The following ATP2A2 variants were observed in gnomAD, a reference collection of about 807,000 sequenced individuals.
ATP2A2 encodes ATPase sarcoplasmic/endoplasmic reticulum Ca2+ transporting 2, also known as sarcoplasmic/endoplasmic reticulum calcium ATPase 2.
In ATP2A2, 14 loss-of-function variants were observed where a neutral mutation model predicts 109.3. The observed-to-expected ratio is 0.13, with a 90% CI of 0.08 to 0.20. The LOEUF (loss-of-function observed/expected upper bound fraction) is 0.20, where lower values mean the gene tolerates loss of function less well. Ranked by LOEUF, ATP2A2 falls within the 10% of genes least tolerant of loss-of-function variation. The pLI, the probability that ATP2A2 is intolerant of heterozygous loss-of-function variation, is 1.00. For synonymous variants in ATP2A2, 506 were observed against 490.9 expected (o/e 1.03, Z -0.41); for missense variants, 657 against 1,321.6 (o/e 0.50, Z 7.80).
rs972728249 is a variant in ATP2A2 at position 110,337,356 on chromosome 12, C to G, written c.1420-1925C>G. On this transcript the variant is annotated intron_variant, in intron 11 of 19. Coordinates refer to ENST00000539276, the MANE Select transcript of ATP2A2 (RefSeq NM_170665.4). ...AGTACTGAAAGGGATTTCCCTCCCC[C>G]ACTCCCAGCCCAAGACCTCTTACCT... Among the ~76,000 whole-genome samples the G allele has an allele frequency of 4.6e-5, 7 of 152,218 alleles. No homozygotes were observed. In the South Asian group the frequency reaches 1.0e-3, roughly 22 times the overall value.
chr12:110,345,210 A>G lies in ATP2A2; in HGVS notation c.2608-39A>G, dbSNP rs775014045. On this transcript the variant is annotated intron_variant, in intron 17 of 19. Coordinates refer to ENST00000539276, the MANE Select transcript of ATP2A2 (RefSeq NM_170665.4). ...GGGTTGGAGCCTGGACTTGGGAAAT[A>G]TACTGGGCTGATAGGAATTTGATTG... 38 of 1,613,896 alleles carry G rather than the reference A, an allele frequency of 2.4e-5. 1 individual carries two copies. Among genetic ancestry groups the G allele is most frequent in the African/African-American group, 4.0e-5 (3 of 74,856 alleles).
chr12:110,305,599 A>G (rs936474804), intron 5 of ATP2A2, among the ~76,000 whole-genome samples: 2 of 152,194 alleles, frequency 1.3e-5, no homozygotes, highest in African/African-American at 4.8e-5. Flanking sequence ...TACTCCATTG[A>G]TCTCTGTCTT....
At chr12:110,332,523 A>G in intron 8 of ATP2A2, 74 bp from the exon 9 acceptor site, 1 of 1,274,518 alleles carries the variant, frequency 7.8e-7, no homozygotes, top group Non-Finnish European at 1.1e-6. Flanking sequence ...GTCCTAAGCT[A>G]ACAAAGGTAG....
intron 4 of ATP2A2, among the ~76,000 whole-genome samples, chr12:110,293,826 A>ATGTATGTGTG (rs1873628329): frequency 9.2e-6 from 1 of 108,568 alleles, no homozygotes; most frequent in Non-Finnish European, 1.7e-5. Context: ...TGCCATATAT[A>ATGTATGTGTG]TGTGTGTGTG....
At chr12:110,295,479 A>C (rs114436207) in intron 4 of ATP2A2, among the ~76,000 whole-genome samples, 137 of 152,322 alleles carry the variant, frequency 9.0e-4, no homozygotes, top group African/African-American at 3.2e-3. Context: ...ATTTAAGCAC[A>C]TGCAAAATAC....
intron 5 of ATP2A2, among the ~76,000 whole-genome samples, chr12:110,308,425 G>C (rs1037695045): frequency 2.0e-5 from 3 of 152,170 alleles, no homozygotes; most frequent in Non-Finnish European, 4.4e-5. Flanking sequence ...GTATACTCTG[G>C]TGACCTTTCA....
chr12:110,320,319 A>T (rs1877103428), intron 5 of ATP2A2, among the ~76,000 whole-genome samples: 1 of 152,206 alleles, frequency 6.6e-6, no homozygotes, highest in Admixed American at 6.5e-5. Flanking sequence ...CAGAAGTAAA[A>T]TAGTGCTTAT....
In ATP2A2 at chr12:110,348,233, G is replaced by T; in HGVS notation, c.*1763G>T. On this transcript the variant is annotated 3_prime_UTR_variant, in exon 20 of 20. Coordinates refer to ENST00000539276, the MANE Select transcript of ATP2A2 (RefSeq NM_170665.4). The stretch of plus-strand genomic sequence containing the variant: ...ACCAGTGAACTCTGGGTATCGATAG[G>T]TTCGTCTTAAATAGGCCACTTCCCC... 1.0e-6 allele frequency: 1 copy of T among 985,364 alleles called. No homozygotes were observed. The highest frequency in any genetic ancestry group is 1.2e-6 in the Non-Finnish European group (1 of 829,956). 61.0% of individuals were successfully genotyped at this position (985,364 alleles called of 1,614,324 possible).
At chr12:110,298,442 A>G (rs1457987748) in intron 5 of ATP2A2, among the ~76,000 whole-genome samples, 1 of 152,186 alleles carries the variant, frequency 6.6e-6, no homozygotes, top group East Asian at 1.9e-4. Context: ...TGTTTTGGCC[A>G]GGCGTGGTGG....
chr12:110,321,972 T>C (rs910766182), intron 5 of ATP2A2, among the ~76,000 whole-genome samples: 2 of 152,212 alleles, frequency 1.3e-5, no homozygotes, highest in African/African-American at 2.4e-5. Context: ...GCAAGAGGTT[T>C]ATTATTCATT....
At position 110,322,034 on chromosome 12, in the gene ATP2A2, A is replaced by T. The variant is rs139539044; in HGVS notation, c.464-958A>T. ...GAGACGGAGTCTCGCTCTGCCGCCC[A>T]GGCTGGAGTGCAGTGGCGCGATCTC... On this transcript the variant is annotated intron_variant, in intron 5 of 19. Coordinates refer to ENST00000539276, the MANE Select transcript of ATP2A2 (RefSeq NM_170665.4). Among the ~76,000 whole-genome samples, 931 of 152,002 alleles carry T rather than the reference A, an allele frequency of 6.1e-3. 16 individuals are homozygous for T. The highest frequency in any genetic ancestry group is 0.021 in the African/African-American group (860 of 41,450).
intron 5 of ATP2A2, among the ~76,000 whole-genome samples, chr12:110,311,977 CCAGCCTGGG>C (rs1226732454): frequency 2.0e-5 from 3 of 152,158 alleles, no homozygotes; most frequent in Middle Eastern, 3.4e-3. Context: ...GAGTTTGAGA[CCAGCCTGGG>C]CAACATGGAA....
In ATP2A2 at chr12:110,347,244, T is replaced by C; in HGVS notation, c.*774T>C. On this transcript the variant is annotated 3_prime_UTR_variant, in exon 20 of 20. Coordinates refer to ENST00000539276, the MANE Select transcript of ATP2A2 (RefSeq NM_170665.4). ...TAATGTATTTTATTGTAACAGACAT[T>C]GTTTTGCCAACATTGCCTATTTCAG... 1 of 1,216,412 alleles carries C rather than the reference T, an allele frequency of 8.2e-7. No individual in the cohort carries two copies. Among genetic ancestry groups the C allele is most frequent in the Non-Finnish European group, 1.0e-6 (1 of 954,822 alleles). The allele number at this position is 1,216,412 out of a possible 1,614,324, so 75.4% of individuals were successfully genotyped here.
upstream of ATP2A2, chr12:110,280,871 C>G (rs1284937645): frequency 6.6e-6 from 1 of 152,420 alleles, no homozygotes; most frequent in African/African-American, 2.4e-5. Context: ...CCGCGTGGAC[C>G]GCGCTCCCAG....
chr12:110,348,186 AC>A lies in ATP2A2; in HGVS notation c.*1717del. The stretch of plus-strand genomic sequence containing the variant: ...CTACTTATTTATTAAAAAGCTAAAA[AC>A]TAGTGAAAGCAAGTAACTGAACCAG... On this transcript the variant is annotated 3_prime_UTR_variant, in exon 20 of 20. Coordinates refer to ENST00000539276, the MANE Select transcript of ATP2A2 (RefSeq NM_170665.4). 1 of 985,350 alleles carries A rather than the reference AC, an allele frequency of 1.0e-6. No individual in the cohort carries two copies. Among genetic ancestry groups the A allele is most frequent in the Non-Finnish European group, 1.2e-6 (1 of 829,940 alleles). 61.0% of individuals were successfully genotyped at this position (985,350 alleles called of 1,614,324 possible).
intron 3 of ATP2A2, among the ~76,000 whole-genome samples, chr12:110,286,669 C>T (rs1392537712): frequency 6.7e-6 from 1 of 149,526 alleles, no homozygotes; most frequent in African/African-American, 2.5e-5. Flanking sequence ...GTATCATTCT[C>T]GAAATGTTTA....
At position 110,281,755 on chromosome 12, in the gene ATP2A2, G is replaced by T; in HGVS notation, c.-35G>T. ...CGAGGCGGAGGCGAGGAGGCCGCGG[G>T]GACGGGAGGCGAGGCCGGCCGGGCC... is the stretch of plus-strand genomic sequence containing the variant. On this transcript the variant is annotated 5_prime_UTR_variant, in exon 1 of 20. Transcript: ENST00000539276. 1 of 1,433,252 alleles carries T rather than the reference G, an allele frequency of 7.0e-7. No homozygotes were observed. Among genetic ancestry groups the T allele is most frequent in the Non-Finnish European group, 9.3e-7 (1 of 1,077,646 alleles). The allele number at this position is 1,433,252 out of a possible 1,614,324, so 88.8% of individuals were successfully genotyped here. A position where few individuals can be genotyped will look rare whatever the true frequency, so the allele number is the denominator to read the frequency against.
chr12:110,350,293 A>G lies in ATP2A2; in HGVS notation c.*3823A>G, dbSNP rs193112984. ...ATTTCCTCTCTCTTTCCTTTTCAGC[A>G]ATACTGGAGTAACCGCTTCCTAAAC... is the stretch of plus-strand genomic sequence containing the variant. On this transcript the variant is annotated 3_prime_UTR_variant, in exon 20 of 20. Transcript: ENST00000539276. 1.2e-6 allele frequency: 2 copies of G among 1,614,238 alleles called. No homozygotes were observed. Among genetic ancestry groups the G allele is most frequent in the East Asian group, 2.2e-5 (1 of 44,890 alleles).
chr12:110,287,872 T>C (rs1872825702), intron 3 of ATP2A2, among the ~76,000 whole-genome samples: 1 of 152,110 alleles, frequency 6.6e-6, no homozygotes, highest in African/African-American at 2.4e-5. Context: ...TGCCTCAGCT[T>C]CCCAAAGTGC....
Sources: allele counts gnomAD v4.1 joint callset (sites outside exome capture counted in the v4.1 genomes callset), GRCh38; gene constraint gnomAD v4.1.1; transcripts MANE v1.5; gene names NCBI Gene and HGNC (gene_info 2026-07-23, HGNC 2026-07-21).